Variants in TRIM43 observed in about 807,000 individuals in gnomAD.
The protein encoded by TRIM43 is tripartite motif-containing protein 43.
Under a neutral mutation model 27.7 loss-of-function variants are expected in TRIM43, and 12 were observed. The ratio of observed to expected loss-of-function variants is 0.43; its 90% confidence interval spans 0.28 to 0.70. The LOEUF is 0.70. Among genes scored for constraint, TRIM43 ranks in the 30% least tolerant of loss-of-function variants. The pLI is 0.17. For missense variants in TRIM43, 186 were observed against 356.5 expected, an observed-to-expected ratio of 0.52 and a Z score of 3.85; for synonymous variants, 64 against 121.9, an observed-to-expected ratio of 0.52 and a Z score of 3.13.
Position 95,595,140 on chromosome 2 carries a change from T to G in TRIM43, c.502T>G (p.Trp168Gly). 1 of 1,611,342 alleles carries G rather than the reference T, an allele frequency of 6.2e-7. No individual in the cohort carries two copies. The highest frequency in any genetic ancestry group is 8.5e-7 in the Non-Finnish European group (1 of 1,178,576). The change falls in exon 3 of 7, where the codon TGG (tryptophan) becomes GGG (glycine). Residue 168 changes from tryptophan (W) to glycine (G), a missense_variant. This residue lies in a region of TRIM43 where 91 missense variants were observed against 119.3 expected (regional missense o/e 0.76). Transcript: ENST00000272395. ...TGAGGAGGGAAGAACAGCCTTCCTC[T>G]GGAGGGTAAGTATGAGACCGTGAGT... ...LYEEGRTAFLWRGNVVLRAQM... is the reference protein window; with the variant it reads ...LYEEGRTAFLGRGNVVLRAQM...
chr2:95,593,184 G>A (rs1685287479), intron 1 of TRIM43, among the ~76,000 whole-genome samples: 1 of 151,942 alleles, frequency 6.6e-6, no homozygotes, highest in African/African-American at 2.4e-5. Context: ...CGGATTACAG[G>A]CGTGAGCCAC....
In TRIM43 at chr2:95,596,290, A is replaced by G. The variant is rs1685354074; in HGVS notation, c.596A>G (p.Glu199Gly). ...VLHKEEKQHL[E>G]RLNKEYQEIF... ...CATAAGGAAGAAAAACAACATTTAG[A>G]GAGACTGAACAAGGAATACCAAGAG... The change falls in exon 4 of 7, where the codon GAG becomes GGG. Residue 199 changes from glutamate to glycine, a missense_variant. Glu to Gly is a moderately conservative substitution (Grantham distance 98, BLOSUM62 -2). Transcript: ENST00000272395. 6.2e-7 allele frequency: 1 copy of G among 1,609,380 alleles called. No individual in the cohort carries two copies. Among genetic ancestry groups the G allele is most frequent in the Non-Finnish European group, 8.5e-7 (1 of 1,177,646 alleles).
Position 95,595,145 on chromosome 2 carries a change from G to C in TRIM43, c.507G>C (p.Arg169Ser). 1 of 1,610,316 alleles carries C rather than the reference G, an allele frequency of 6.2e-7. No individual in the cohort carries two copies. The highest frequency in any genetic ancestry group is 8.5e-7 in the Non-Finnish European group (1 of 1,178,090). The change falls in exon 3 of 7, where the codon AGG (arginine) becomes AGC (serine). Residue 169 changes from arginine (R) to serine (S), a missense_variant and splice_region_variant. Arg to Ser is a moderately radical substitution (Grantham distance 110). This residue lies in a region of TRIM43 where 91 missense variants were observed against 119.3 expected (regional missense o/e 0.76). Transcript: ENST00000272395. ...AGGGAAGAACAGCCTTCCTCTGGAG[G>C]GTAAGTATGAGACCGTGAGTCCTCC... ...YEEGRTAFLW[R>S]GNVVLRAQMI... is the part of the protein sequence containing the mutation.
chr2:95,599,706 A>T lies in TRIM43; in HGVS notation c.*133A>T, dbSNP rs1260682402. The T allele has an allele frequency of 2.7e-6, 4 of 1,466,634 alleles. No homozygotes were observed. In the Admixed American group the frequency reaches 8.4e-5, roughly 31 times the overall value. 90.9% of individuals were successfully genotyped at this position (1,466,634 alleles called of 1,614,324 possible). On this transcript the variant is annotated 3_prime_UTR_variant, in exon 7 of 7. Coordinates refer to ENST00000272395, the MANE Select transcript of TRIM43 (RefSeq NM_138800.3). ...TTCATTTTATTGCTATTAAATAAAAAATTTGTAAAAGGCAAAACTTTTTGT... is the reference window on the plus strand; with the variant it reads ...TTCATTTTATTGCTATTAAATAAAATATTTGTAAAAGGCAAAACTTTTTGT...
At chr2:95,596,081 A>T (rs1180804065) in intron 3 of TRIM43, 121 bp from the exon 4 acceptor site, 1 of 985,010 alleles carries the variant, frequency 1.0e-6, no homozygotes, top group East Asian at 2.6e-5. Flanking sequence ...GTCTTGCTTA[A>T]CTCATCATCC....
intron 1 of TRIM43, among the ~76,000 whole-genome samples, chr2:95,593,390 TTTG>T (rs1685291835): frequency 7.3e-6 from 1 of 136,188 alleles, no homozygotes; most frequent in African/African-American, 2.5e-5. Flanking sequence ...CCAGAAAGTT[TTTG>T]TTGATTAAAT....
intron 2 of TRIM43, 97 bp from the exon 3 acceptor site, chr2:95,594,953 T>C: frequency 6.2e-6 from 8 of 1,289,428 alleles, no homozygotes; most frequent in East Asian, 2.5e-5. Flanking sequence ...CTCTCACTAA[T>C]GTATTTATAT....
intron 1 of TRIM43, among the ~76,000 whole-genome samples, chr2:95,592,953 G>A (rs1327173021): frequency 6.6e-5 from 10 of 150,820 alleles, no homozygotes; most frequent in Non-Finnish European, 1.0e-4. Flanking sequence ...CTGGAGTGCT[G>A]TGGCACTATC....
intron 1 of TRIM43, among the ~76,000 whole-genome samples, chr2:95,592,662 C>T (rs1685275983): frequency 6.6e-6 from 1 of 151,082 alleles, no homozygotes; most frequent in Admixed American, 6.6e-5. Flanking sequence ...TGAGCCACCG[C>T]GCCCGGCCTT....
Position 95,596,199 on chromosome 2 carries a change from C to T in TRIM43, c.508-3C>T. 6.2e-7 allele frequency: 1 copy of T among 1,609,918 alleles called. No homozygotes were observed. On this transcript the variant is annotated splice_polypyrimidine_tract_variant and splice_region_variant and intron_variant, in intron 3 of 6. Transcript: ENST00000272395. ...ATAACCTACAAAATTCATATCCCTACAGGGCAATGTGGTTTTACGGGCACA... is the reference window on the plus strand; with the variant it reads ...ATAACCTACAAAATTCATATCCCTATAGGGCAATGTGGTTTTACGGGCACA...
rs761266188 is a variant in TRIM43, at chr2:95,594,283, G to A, written c.260G>A (p.Ser87Asn). 1 of 1,609,548 alleles carries A rather than the reference G, an allele frequency of 6.2e-7. No individual in the cohort carries two copies. The highest frequency in any genetic ancestry group is 2.2e-5 in the East Asian group (1 of 44,808). The change falls in exon 2 of 7, where the codon AGC (serine) becomes AAC (asparagine). Residue 87 changes from serine to asparagine, a missense_variant. By Grantham distance (46) the Ser-to-Asn change is conservative (BLOSUM62 1). Coordinates refer to ENST00000272395, the MANE Select transcript of TRIM43 (RefSeq NM_138800.3). ...ARKASLWQFL[S>N]SEKQICGTHR... ...AAAGCCAGTCTCTGGCAATTCCTGA[G>A]CTCTGAGAAACAAATATGTGGGACC...
chr2:95,594,504 AGAATCATGGT>A (rs1685319336), intron 2 of TRIM43, 70 bp downstream of exon 2: 1 of 1,576,364 alleles, frequency 6.3e-7, no homozygotes, highest in Non-Finnish European at 8.6e-7. Context: ...AAGGATGATG[AGAATCATGGT>A]GATTACTCCA....
chr2:95,596,793 C>A (rs2104459375), intron 4 of TRIM43, among the ~76,000 whole-genome samples: 1 of 71,240 alleles, frequency 1.4e-5, no homozygotes, highest in Admixed American at 1.6e-4. Context: ...ACTACTCACA[C>A]CTTTCTCTCT....
In TRIM43 at chr2:95,596,094, T is replaced by A. The variant is rs1685350933; in HGVS notation, c.508-108T>A. 64 of 1,318,028 alleles carry A rather than the reference T, an allele frequency of 4.9e-5. 1 individual carries two copies. The South Asian group carries it at 8.8e-4, about 18-fold the overall frequency. The allele number at this position is 1,318,028 out of a possible 1,614,324, so 81.6% of individuals were successfully genotyped here. The stretch of plus-strand genomic sequence containing the variant: ...AGGTCTTGCTTAACTCATCATCCTG[T>A]TTGTAAAGGATGGAAAATAAAAGAA... On this transcript the variant is annotated intron_variant, in intron 3 of 6. Coordinates refer to ENST00000272395, the MANE Select transcript of TRIM43 (RefSeq NM_138800.3).
rs1685316743 is a variant in TRIM43 at position 95,594,383 on chromosome 2, G to A, written c.360G>A (p.Glu120=). The A allele has an allele frequency of 3.1e-6, 5 of 1,610,922 alleles. No individual in the cohort carries two copies. The highest frequency in any genetic ancestry group is 4.2e-6 in the Non-Finnish European group (5 of 1,179,538). Residue 120 remains glutamate (E), a synonymous_variant, in exon 2 of 7, where the codon GAG becomes GAA. Coordinates refer to ENST00000272395, the MANE Select transcript of TRIM43 (RefSeq NM_138800.3). The part of the protein sequence containing the change: ...LLCLLCSNSQ[E]HGAHKHHPIE... ...GCTTGCTGTGCTCCAACTCTCAGGA[G>A]CACGGGGCTCACAAACACCATCCCA...
chr2:95,593,454 T>G (rs1279181078), intron 1 of TRIM43, among the ~76,000 whole-genome samples: 3 of 151,778 alleles, frequency 2.0e-5, no homozygotes, highest in Non-Finnish European at 4.4e-5. Flanking sequence ...CTTGGAGAGG[T>G]GCCTTACCTT....
intron 1 of TRIM43, among the ~76,000 whole-genome samples, 182 bp from the exon 2 acceptor site, chr2:95,593,838 A>C (rs1372843939): frequency 1.3e-5 from 2 of 151,856 alleles, no homozygotes; most frequent in East Asian, 3.8e-4. Context: ...GTCACTTTTT[A>C]TAGAGGTTGA....
intron 2 of TRIM43, 35 bp from the exon 3 acceptor site, chr2:95,595,015 A>C: frequency 1.3e-6 from 2 of 1,594,814 alleles, no homozygotes; most frequent in Non-Finnish European, 1.7e-6. Flanking sequence ...TTGGCATTTG[A>C]CTTTCTGTTG....
At chr2:95,596,479 T>A (rs1323806200) in intron 4 of TRIM43, 47 bp downstream of exon 4, 2 of 1,499,340 alleles carry the variant, frequency 1.3e-6, no homozygotes, top group Non-Finnish European at 1.8e-6. Context: ...TAGCTGACCT[T>A]TACATCTTTG....
Sources: allele counts gnomAD v4.1 joint callset (sites outside exome capture counted in the v4.1 genomes callset), GRCh38; gene constraint gnomAD v4.1.1; regional missense constraint gnomAD v4.1.1; transcripts MANE v1.5; gene names NCBI Gene and HGNC (gene_info 2026-07-23, HGNC 2026-07-21).